DHRSX: variants seen among roughly 807,000 people sequenced by gnomAD.
DHRSX encodes the protein polyprenol dehydrogenase.
A neutral mutation model predicts 34.0 loss-of-function variants in DHRSX; 31 were observed. That is an observed-to-expected ratio of 0.91 (90% CI 0.69 to 1.23). The LOEUF is 1.23. Ranked by LOEUF, DHRSX falls within the 50% of genes most tolerant of loss-of-function variation. The pLI is 0.00. For missense variants in DHRSX, 414 were observed against 428.1 expected (o/e 0.97, Z 0.29); for synonymous variants, 201 against 183.8 (o/e 1.09, Z -0.76).
chrX:2,233,913 C>T (rs1394804652), intron 6 of DHRSX, among the ~76,000 whole-genome samples: 1 of 152,090 alleles, frequency 6.6e-6, no homozygotes, highest in South Asian at 2.1e-4. Context: ...AAATGGTTTC[C>T]CATATATTCT....
intron 1 of DHRSX, among the ~76,000 whole-genome samples, chrX:2,446,090 C>T (rs2044129983): frequency 6.6e-6 from 1 of 151,568 alleles, no homozygotes; most frequent in Non-Finnish European, 1.5e-5. Context: ...AAGATGTTCC[C>T]GAAGAACGTG....
At chrX:2,355,500 G>A (rs181558165) in intron 3 of DHRSX, among the ~76,000 whole-genome samples, 9,020 of 113,308 alleles carry the variant, frequency 0.08, 389 homozygotes, top group East Asian at 0.25. Context: ...TGACAAGAGC[G>A]AGACCCCATC....
rs199699208 is a variant in DHRSX at position 2,254,944 on chromosome X, ACG to A, written c.597-11716_597-11715del. ...AGGTGTGAGCCACTGTGCCTGCCCC[ACG>A]CCCCCCCCCTTTTTTTTCTTTTTTT... is the stretch of plus-strand genomic sequence containing the variant. On this transcript the variant is annotated intron_variant, in intron 5 of 6. Transcript: ENST00000334651. Among the ~76,000 whole-genome samples the A allele has an allele frequency of 9.5e-4, 85 of 89,342 alleles. 1 individual carries two copies. Among genetic ancestry groups the A allele is most frequent in the African/African-American group, 2.9e-3 (55 of 18,962 alleles). The allele number at this position is 89,342 out of a possible 152,430, so 58.6% of individuals were successfully genotyped here. A position where few individuals can be genotyped will look rare whatever the true frequency, so the allele number is the denominator to read the frequency against.
chrX:2,325,722 A>G (rs978335803), intron 3 of DHRSX, among the ~76,000 whole-genome samples: 7 of 152,160 alleles, frequency 4.6e-5, no homozygotes, highest in African/African-American at 1.7e-4. Flanking sequence ...TGCTTGATGG[A>G]ACCAATCTCT....
intron 3 of DHRSX, among the ~76,000 whole-genome samples, chrX:2,390,413 C>T (rs1191602712): frequency 3.3e-5 from 5 of 150,726 alleles, no homozygotes; most frequent in South Asian, 2.1e-4. Flanking sequence ...GCTGGGATTA[C>T]GGGCATGAGT....
At chrX:2,303,877 G>GGATGGATGGATGGA in intron 3 of DHRSX, among the ~76,000 whole-genome samples, 1 of 56,208 alleles carries the variant, frequency 1.8e-5, no homozygotes, top group African/African-American at 5.9e-5. Context: ...GGGTGGATGG[G>GGATGGATGGATGGA]TGGATGGATG....
At chrX:2,356,276 G>A (rs984817420) in intron 3 of DHRSX, among the ~76,000 whole-genome samples, 79 of 151,992 alleles carry the variant, frequency 5.2e-4, no homozygotes, top group African/African-American at 1.8e-3. Flanking sequence ...TCACGAGGCT[G>A]AGGCAGGAGA....
intron 1 of DHRSX, among the ~76,000 whole-genome samples, chrX:2,455,430 G>C (rs1277485828): frequency 6.6e-6 from 1 of 151,956 alleles, no homozygotes; most frequent in Non-Finnish European, 1.5e-5. Flanking sequence ...ACCTGCGCAT[G>C]TGCCCCTCAA....
chrX:2,273,592 A>G (rs1346968738), intron 4 of DHRSX, among the ~76,000 whole-genome samples: 2 of 152,138 alleles, frequency 1.3e-5, no homozygotes, highest in Admixed American at 1.3e-4. Flanking sequence ...GGAAATGGCC[A>G]CTGTACCCAA....
At chrX:2,491,295 C>G (rs2045137440) in intron 1 of DHRSX, among the ~76,000 whole-genome samples, 1 of 152,184 alleles carries the variant, frequency 6.6e-6, no homozygotes, top group Non-Finnish European at 1.5e-5. Flanking sequence ...GTCTCGAACT[C>G]CTGACTTCAG....
At chrX:2,310,070 T>A (rs925442385) in intron 3 of DHRSX, among the ~76,000 whole-genome samples, 1 of 152,096 alleles carries the variant, frequency 6.6e-6, no homozygotes, top group Non-Finnish European at 1.5e-5. Flanking sequence ...TCCCTACGCA[T>A]CCTAATAAAT....
At chrX:2,229,279 C>T (rs147440993) in intron 6 of DHRSX, among the ~76,000 whole-genome samples, 1,835 of 152,094 alleles carry the variant, frequency 0.012, 18 homozygotes, top group Middle Eastern at 0.037. Context: ...GAAGAGGGGA[C>T]GGAGTAATGC....
intron 3 of DHRSX, among the ~76,000 whole-genome samples, chrX:2,399,725 C>CAAAAAAAAAAAAAAAAAAAAA (rs779558142): frequency 5.1e-4 from 18 of 35,180 alleles, no homozygotes; most frequent in East Asian, 1.8e-3. Flanking sequence ...AAACAAAAAG[C>CAAAAAAAAAAAAAAAAAAAAA]AAAAAAAAAA....
chrX:2,397,930 G>GCACA (rs111697078), intron 3 of DHRSX, among the ~76,000 whole-genome samples: 91,243 of 138,548 alleles, frequency 0.66, 30,856 homozygotes, highest in Middle Eastern at 0.76. Context: ...CTCAGAGCGC[G>GCACA]CACACACACA....
intron 3 of DHRSX, among the ~76,000 whole-genome samples, chrX:2,379,343 G>C (rs1168524108): frequency 6.6e-6 from 1 of 152,174 alleles, no homozygotes; most frequent in Non-Finnish European, 1.5e-5. Context: ...CTTGATAACT[G>C]TGCCAATGAC....
intron 3 of DHRSX, among the ~76,000 whole-genome samples, chrX:2,390,198 T>C (rs1270534915): frequency 2.0e-5 from 3 of 147,034 alleles, no homozygotes; most frequent in Non-Finnish European, 4.5e-5. Flanking sequence ...TCCTGGAGTG[T>C]AATAGCGCGA....
At chrX:2,423,944 C>T (rs999797808) in intron 2 of DHRSX, among the ~76,000 whole-genome samples, 2 of 152,128 alleles carry the variant, frequency 1.3e-5, no homozygotes, top group African/African-American at 4.8e-5. Context: ...ACAAGTATCC[C>T]GCAACATTGT....
intron 1 of DHRSX, among the ~76,000 whole-genome samples, chrX:2,477,336 A>T (rs1471548345): frequency 6.6e-6 from 1 of 152,184 alleles, no homozygotes; most frequent in Non-Finnish European, 1.5e-5. Flanking sequence ...CATCCTCACC[A>T]GCCTCAGGAA....
intron 1 of DHRSX, chrX:2,486,627 AGCCCACGGAGGCGTGGGCT>A (rs1468491006): frequency 6.6e-6 from 1 of 152,226 alleles, no homozygotes; most frequent in African/African-American, 2.4e-5. Flanking sequence ...TACAGAATGG[AGCCCACGGAGGCGTGGGCT>A]GCCCTGCGTC....
Sources: gnomAD v4.1 joint callset for allele counts (sites outside exome capture counted in the v4.1 genomes callset) on GRCh38, gnomAD v4.1.1 for gene constraint, MANE v1.5 for transcripts, NCBI Gene and HGNC (gene_info 2026-07-23, HGNC 2026-07-21) for gene names.